The following CYRIB variants were observed in gnomAD, a reference collection of about 807,000 sequenced individuals.
CYRIB encodes the protein CYFIP related Rac1 interactor B, also known as CYFIP-related Rac1 interactor B.
In CYRIB, 8 loss-of-function variants were observed where a neutral mutation model predicts 44.2. The ratio of observed to expected loss-of-function variants is 0.18; its 90% CI spans 0.11 to 0.33. The LOEUF (loss-of-function observed/expected upper bound fraction) is 0.33. Ranked by LOEUF, CYRIB falls within the 10% of genes least tolerant of loss-of-function variation. The probability of loss-of-function intolerance (pLI) is 1.00; values close to 1 mark genes in which losing one functional copy is unlikely to be tolerated. For synonymous variants in CYRIB, 131 were observed against 127.2 expected (o/e 1.03, Z -0.20); for missense variants, 185 against 382.8 (o/e 0.48, Z 4.31).
intron 1 of CYRIB, among the ~76,000 whole-genome samples, chr8:130,011,434 T>C (rs35830950): frequency 0.42 from 64,279 of 151,574 alleles, 14,128 homozygotes; most frequent in African/African-American, 0.54. Flanking sequence ...GGCAGGAGAA[T>C]CGCTTGAACC....
chr8:129,982,934 G>T (rs1320068676), intron 1 of CYRIB, among the ~76,000 whole-genome samples: 1 of 150,820 alleles, frequency 6.6e-6, no homozygotes, highest in Non-Finnish European at 1.5e-5. Flanking sequence ...AAACATACAT[G>T]TCCAGCTCTC....
intron 2 of CYRIB, among the ~76,000 whole-genome samples, chr8:129,949,958 A>T (rs1404792833): frequency 6.6e-6 from 1 of 152,190 alleles, no homozygotes; most frequent in East Asian, 1.9e-4. Flanking sequence ...ACTGACTACA[A>T]TAATAGGTAG....
chr8:130,003,095 G>GC (rs1247215288), intron 1 of CYRIB, among the ~76,000 whole-genome samples: 1 of 152,142 alleles, frequency 6.6e-6, no homozygotes, highest in Non-Finnish European at 1.5e-5. Context: ...GTTCCCAATT[G>GC]AATTGAAAAC....
chr8:129,846,425 T>C (rs967396557), intron 11 of CYRIB, among the ~76,000 whole-genome samples: 4 of 152,252 alleles, frequency 2.6e-5, no homozygotes, highest in African/African-American at 7.2e-5. Context: ...TAGTGGCTTA[T>C]CTCAAAATGG....
At chr8:129,923,230 C>A (rs1314887957) in intron 1 of CYRIB, among the ~76,000 whole-genome samples, 2 of 48,824 alleles carry the variant, frequency 4.1e-5, no homozygotes, top group African/African-American at 1.1e-4. Context: ...GCAACAAGAG[C>A]AAAACTCTTA....
chr8:129,920,127 A>T, intron 1 of CYRIB, among the ~76,000 whole-genome samples: 1 of 151,694 alleles, frequency 6.6e-6, no homozygotes. Context: ...TCTAAAAATT[A>T]CTCTTTCATG....
chr8:129,944,342 G>A (rs554912734), upstream of CYRIB, among the ~76,000 whole-genome samples: 49 of 152,302 alleles, frequency 3.2e-4, no homozygotes, highest in South Asian at 1.7e-3. Flanking sequence ...GAATCTGCAA[G>A]TTCAATCTGG....
chr8:129,858,991 C>T (rs952568622), intron 5 of CYRIB, among the ~76,000 whole-genome samples: 1 of 152,198 alleles, frequency 6.6e-6, no homozygotes, highest in Non-Finnish European at 1.5e-5. Context: ...AGACACAAGA[C>T]AAAGATAAAA....
chr8:129,965,032 G>T (rs1310499277), intron 2 of CYRIB, among the ~76,000 whole-genome samples: 2 of 152,160 alleles, frequency 1.3e-5, no homozygotes, highest in African/African-American at 4.8e-5. Context: ...TCTTACCTGT[G>T]AGCAGATAAC....
chr8:129,939,150 G>C lies in CYRIB; in HGVS notation c.-50+458C>G, dbSNP rs1476426226. Among the ~76,000 whole-genome samples the C allele has an allele frequency of 2.0e-5, 3 of 151,968 alleles. No homozygotes were observed. In the East Asian group the frequency reaches 5.8e-4, roughly 29 times the overall value. ...GTCGAGGCGAGGCGAGGCGAAGCCC[G>C]GGGGATAAGGGGGTGTGGAGCTGGG... is the stretch of plus-strand genomic sequence containing the variant. On this transcript the variant is annotated intron_variant, in intron 1 of 11. Coordinates refer to ENST00000519824, the Ensembl canonical transcript of CYRIB.
At chr8:129,842,819 A>G (rs886243920) in intron 11 of CYRIB, among the ~76,000 whole-genome samples, 2 of 152,196 alleles carry the variant, frequency 1.3e-5, no homozygotes, top group Non-Finnish European at 2.9e-5. Context: ...GGCCTTTAAT[A>G]TCTACTTACT....
At chr8:129,924,706 C>T (rs1409930811) in intron 1 of CYRIB, among the ~76,000 whole-genome samples, 1 of 152,134 alleles carries the variant, frequency 6.6e-6, no homozygotes, top group Non-Finnish European at 1.5e-5. Flanking sequence ...GTGGCTCCCA[C>T]CTGTAATCCC....
chr8:130,007,306 G>A (rs532507640), intron 1 of CYRIB, among the ~76,000 whole-genome samples: 205 of 152,234 alleles, frequency 1.3e-3, no homozygotes, highest in Non-Finnish European at 2.1e-3. Context: ...TTCCAGTTAC[G>A]TTTGAGGTTC....
intron 2 of CYRIB, among the ~76,000 whole-genome samples, chr8:129,887,856 C>G (rs1240676153): frequency 6.6e-6 from 1 of 152,210 alleles, no homozygotes; most frequent in Non-Finnish European, 1.5e-5. Context: ...TGCCTGTACC[C>G]TCATTGTATC....
chr8:129,926,561 A>G (rs1266862367), intron 1 of CYRIB, among the ~76,000 whole-genome samples: 1 of 152,202 alleles, frequency 6.6e-6, no homozygotes, highest in African/African-American at 2.4e-5. Context: ...AAATCATACT[A>G]CAAGAAAAAT....
chr8:129,927,072 C>A (rs183880197), intron 1 of CYRIB, among the ~76,000 whole-genome samples: 2 of 152,160 alleles, frequency 1.3e-5, no homozygotes, highest in Non-Finnish European at 2.9e-5. Flanking sequence ...CACTTGAGAT[C>A]AGGAGTTTGA....
At chr8:130,000,253 T>C (rs1315033970) in intron 1 of CYRIB, among the ~76,000 whole-genome samples, 1 of 152,138 alleles carries the variant, frequency 6.6e-6, no homozygotes, top group East Asian at 1.9e-4. Context: ...GGGAAGACAA[T>C]GAGCAAACCT....
chr8:129,978,458 C>G (rs1398042343), intron 1 of CYRIB, among the ~76,000 whole-genome samples: 1 of 152,152 alleles, frequency 6.6e-6, no homozygotes, highest in Non-Finnish European at 1.5e-5. Context: ...TAGAGAGAAT[C>G]CCTGGAGACT....
upstream of CYRIB, among the ~76,000 whole-genome samples, chr8:129,940,814 A>G (rs2093632415): frequency 6.6e-6 from 1 of 152,208 alleles, no homozygotes. Flanking sequence ...AACTGAAAAT[A>G]CTGTAACAGT....
Sources: gnomAD v4.1 joint callset for allele counts (sites outside exome capture counted in the v4.1 genomes callset) on GRCh38, gnomAD v4.1.1 for gene constraint, MANE v1.5 for transcripts, NCBI Gene and HGNC (gene_info 2026-07-23, HGNC 2026-07-21) for gene names.